PPM1H: variants seen among roughly 807,000 people sequenced by gnomAD.
PPM1H encodes protein phosphatase 1H.
Under a neutral mutation model 54.9 loss-of-function variants are expected in PPM1H, and 27 were observed. That is an observed-to-expected ratio of 0.49 (90% CI 0.36 to 0.68). The LOEUF is 0.68. PPM1H is among the 30% of genes least tolerant of loss of function. The probability of loss-of-function intolerance (pLI) is 0.00; values close to 1 mark genes in which losing one functional copy is unlikely to be tolerated. For synonymous variants in PPM1H, 305 were observed against 270.8 expected, an observed-to-expected ratio of 1.13 and a Z score of -1.24; for missense variants, 596 against 667.8, an observed-to-expected ratio of 0.89 and a Z score of 1.19.
At chr12:62,850,880 A>T (rs1178351763) in intron 1 of PPM1H, 1 of 151,930 alleles carries the variant, frequency 6.6e-6, no homozygotes, top group African/African-American at 2.4e-5. Context: ...TGATCATGTT[A>T]TCTCCCCTGC....
chr12:62,850,556 CA>C (rs1279773198), intron 1 of PPM1H, among the ~76,000 whole-genome samples: 1 of 150,162 alleles, frequency 6.7e-6, no homozygotes, highest in Non-Finnish European at 1.5e-5. Flanking sequence ...CTGTAAAAAG[CA>C]AAAAAATCCC....
intron 1 of PPM1H, among the ~76,000 whole-genome samples, chr12:62,918,602 G>T (rs1456601551): frequency 6.6e-6 from 1 of 152,108 alleles, no homozygotes; most frequent in Non-Finnish European, 1.5e-5. Flanking sequence ...TCCATTTTGA[G>T]TATTTTTCCC....
chr12:62,795,483 G>A (rs1000148137), intron 3 of PPM1H, among the ~76,000 whole-genome samples: 1 of 151,886 alleles, frequency 6.6e-6, no homozygotes, highest in South Asian at 2.1e-4. Flanking sequence ...GTCTTGCTCT[G>A]TCACTCAGGT....
chr12:62,775,952 C>A (rs2076608058), intron 4 of PPM1H, among the ~76,000 whole-genome samples: 1 of 152,140 alleles, frequency 6.6e-6, no homozygotes, highest in Non-Finnish European at 1.5e-5. Context: ...GCTGGGGAGG[C>A]CTCACAATCA....
intron 1 of PPM1H, among the ~76,000 whole-genome samples, chr12:62,859,238 A>G (rs963193386): frequency 1.3e-5 from 2 of 152,198 alleles, no homozygotes; most frequent in Non-Finnish European, 2.9e-5. Context: ...CCTCATTAAC[A>G]TTCATCCAAA....
At chr12:62,776,712 T>C (rs2076613601) in intron 4 of PPM1H, among the ~76,000 whole-genome samples, 1 of 152,202 alleles carries the variant, frequency 6.6e-6, no homozygotes, top group Non-Finnish European at 1.5e-5. Context: ...TTCAACACTC[T>C]ACCTCCCACA....
rs1220785093 is a variant in PPM1H, at chr12:62,689,772, C to A, written c.1172G>T (p.Gly391Val). 2 of 1,613,558 alleles carry A rather than the reference C, an allele frequency of 1.2e-6. No individual in the cohort carries two copies. The highest frequency in any genetic ancestry group is 2.2e-5 in the East Asian group (1 of 44,866). The change falls in exon 8 of 10, where the codon GGA (glycine) becomes GTA (valine). Residue 391 changes from glycine (G) to valine (V), a missense_variant. This residue lies in a region of PPM1H where 208 missense variants were observed against 259.5 expected (regional missense o/e 0.80). Coordinates refer to ENST00000228705, the MANE Select transcript of PPM1H (RefSeq NM_020700.2). ...CACCTTCAGGTCATGGTCCCCAAGT[C>A]CCCTGGTCACTCCAATAGTTGCCAT... ...RVMATIGVTR[G>V]LGDHDLKVHD...
chr12:62,798,793 G>A (rs1362711965), intron 3 of PPM1H, among the ~76,000 whole-genome samples: 3 of 151,944 alleles, frequency 2.0e-5, no homozygotes, highest in South Asian at 2.1e-4. Context: ...TCTCAGGCTC[G>A]GTTTGTTACC....
At chr12:62,796,048 T>TCAGTGGTGA (rs2076732254) in intron 3 of PPM1H, among the ~76,000 whole-genome samples, 1 of 152,202 alleles carries the variant, frequency 6.6e-6, no homozygotes, top group Admixed American at 6.5e-5. Context: ...TATGTTTTAC[T>TCAGTGGTGA]TCCTCAGTGG....
chr12:62,799,459 A>G (rs1306291629), intron 3 of PPM1H, among the ~76,000 whole-genome samples: 1 of 152,238 alleles, frequency 6.6e-6, no homozygotes, highest in Non-Finnish European at 1.5e-5. Flanking sequence ...ATTACATTAC[A>G]TTACAAGGAG....
chr12:62,887,683 G>A (rs754962433), intron 1 of PPM1H, among the ~76,000 whole-genome samples: 2 of 152,162 alleles, frequency 1.3e-5, no homozygotes, highest in African/African-American at 4.8e-5. Flanking sequence ...TCAAATAGTG[G>A]TATGCACAGG....
At chr12:62,737,033 C>T (rs1029224385) in intron 5 of PPM1H, among the ~76,000 whole-genome samples, 4 of 152,108 alleles carry the variant, frequency 2.6e-5, no homozygotes, top group African/African-American at 9.7e-5. Context: ...GCCTGTAAGA[C>T]TTCATATCTG....
chr12:62,705,879 T>C (rs868428363), intron 6 of PPM1H, among the ~76,000 whole-genome samples: 1 of 152,202 alleles, frequency 6.6e-6, no homozygotes. Flanking sequence ...ATGGACCCCA[T>C]AGCTACAAAT....
chr12:62,727,821 C>T (rs966880927), intron 5 of PPM1H, among the ~76,000 whole-genome samples: 6 of 151,698 alleles, frequency 4.0e-5, no homozygotes, highest in African/African-American at 9.7e-5. Flanking sequence ...CCACCATGCC[C>T]GGCTAATTTT....
At chr12:62,714,558 A>AC (rs2076225506) in intron 6 of PPM1H, among the ~76,000 whole-genome samples, 1 of 151,688 alleles carries the variant, frequency 6.6e-6, no homozygotes, top group African/African-American at 2.4e-5. Flanking sequence ...AGCAAAGCCT[A>AC]CCCCCTGCCG....
chr12:62,796,771 GCACA>G, intron 3 of PPM1H, among the ~76,000 whole-genome samples: 1 of 152,040 alleles, frequency 6.6e-6, no homozygotes. Context: ...CCGTGTGCGC[GCACA>G]CACACACACA....
intron 8 of PPM1H, among the ~76,000 whole-genome samples, chr12:62,686,882 G>A (rs1384984716): frequency 1.4e-5 from 2 of 141,318 alleles, no homozygotes; most frequent in African/African-American, 5.6e-5. Context: ...AAAACCCTAA[G>A]GAAACCACTC....
chr12:62,738,434 G>A (rs2076362474), intron 4 of PPM1H, among the ~76,000 whole-genome samples: 1 of 152,054 alleles, frequency 6.6e-6, no homozygotes, highest in African/African-American at 2.4e-5. Flanking sequence ...GTATCTAAGA[G>A]CTATTGCCCA....
At chr12:62,720,331 A>G (rs757176705) in intron 5 of PPM1H, 42 bp from the exon 6 acceptor site, 1 of 1,408,410 alleles carries the variant, frequency 7.1e-7, no homozygotes, top group East Asian at 2.3e-5. Flanking sequence ...ACATACACGT[A>G]TTTAGAGAAA....
Sources: gnomAD v4.1 joint callset for allele counts (sites outside exome capture counted in the v4.1 genomes callset) on GRCh38, gnomAD v4.1.1 for gene constraint, gnomAD v4.1.1 regional missense constraint, MANE v1.5 for transcripts, NCBI Gene and HGNC (gene_info 2026-07-23, HGNC 2026-07-21) for gene names.